NHS: variants seen among roughly 807,000 people sequenced by gnomAD.
NHS encodes NHS actin remodeling regulator, also known as actin remodeling regulator NHS.
NHS carries 5 observed loss-of-function variants against 72.5 expected under a neutral mutation model. That is an observed-to-expected ratio of 0.07 (90% CI 0.04 to 0.14). The LOEUF is 0.14. Ranked by LOEUF, NHS falls within the 10% of genes least tolerant of loss-of-function variation. The pLI, the probability that NHS is intolerant of heterozygous loss-of-function variation, is 1.00. For missense variants in NHS, 1,072 were observed against 1,355.7 expected, an observed-to-expected ratio of 0.79 and a Z score of 3.29; for synonymous variants, 464 against 547.7, an observed-to-expected ratio of 0.85 and a Z score of 2.13.
intron 1 of NHS, among the ~76,000 whole-genome samples, chrX:17,409,670 A>G (rs1231908851): frequency 2.7e-5 from 3 of 111,786 alleles, no homozygotes; most frequent in Non-Finnish European, 5.6e-5. Context: ...CACGTGTCAC[A>G]AAGGAGAATA....
At position 17,726,626 on chromosome X, in the gene NHS, C is replaced by G. The variant is rs1417624176; in HGVS notation, c.2520C>G (p.Ile840Met). 3 of 1,212,013 alleles carry G rather than the reference C, an allele frequency of 2.5e-6. No individual in the cohort carries two copies. ...ACAAGAGGCAGGGAAGACCAAGCATCTCTTTCAGGAAACCAAAGGCAAAGC... is the reference window on the plus strand; with the variant it reads ...ACAAGAGGCAGGGAAGACCAAGCATGTCTTTCAGGAAACCAAAGGCAAAGC... Reference protein sequence around the residue: ...LDHKRQGRPSISFRKPKAKPT... With the variant: ...LDHKRQGRPSMSFRKPKAKPT... Residue 840 changes from isoleucine to methionine, a missense_variant, in exon 7 of 9, where the codon ATC becomes ATG. Coordinates refer to ENST00000676302, the MANE Select transcript of NHS (RefSeq NM_001291867.2).
intron 1 of NHS, among the ~76,000 whole-genome samples, chrX:17,536,400 C>T (rs2065224167): frequency 8.9e-6 from 1 of 112,533 alleles, no homozygotes; most frequent in South Asian, 3.7e-4. Context: ...AAAAAACTTG[C>T]ATTCGGACCT....
chrX:17,605,221 C>G (rs1601797090), intron 1 of NHS, among the ~76,000 whole-genome samples: 1 of 111,992 alleles, frequency 8.9e-6, no homozygotes, highest in Non-Finnish European at 1.9e-5. Flanking sequence ...AGATTTAAGG[C>G]TATAGCTAAC....
intron 1 of NHS, among the ~76,000 whole-genome samples, chrX:17,479,812 A>G (rs1426045312): frequency 2.7e-5 from 3 of 111,834 alleles, no homozygotes; most frequent in Admixed American, 9.5e-5. Context: ...AGATAGATAG[A>G]TTGCAAAAAT....
At chrX:17,644,961 G>A (rs2065899507) in intron 1 of NHS, among the ~76,000 whole-genome samples, 1 of 110,481 alleles carries the variant, frequency 9.1e-6, no homozygotes, top group Non-Finnish European at 1.9e-5. Context: ...TTCAGAGTAG[G>A]CCCTAGGTCT....
chrX:17,470,522 C>T (rs994759345), intron 1 of NHS, among the ~76,000 whole-genome samples: 4 of 111,645 alleles, frequency 3.6e-5, no homozygotes, highest in African/African-American at 9.8e-5. Flanking sequence ...TTCACATGCC[C>T]GATGTTATAC....
intron 1 of NHS, among the ~76,000 whole-genome samples, chrX:17,537,381 G>T (rs994399562): frequency 8.9e-6 from 1 of 112,565 alleles, no homozygotes; most frequent in Non-Finnish European, 1.9e-5. Flanking sequence ...AATCTCTTTG[G>T]ATGAGGAGGA....
intron 3 of NHS, among the ~76,000 whole-genome samples, chrX:17,702,052 G>A (rs1031792685): frequency 1.8e-5 from 2 of 111,104 alleles, no homozygotes; most frequent in African/African-American, 3.3e-5. Context: ...AGTGGGAGTG[G>A]GGTAGAAAGA....
At chrX:17,536,216 G>A (rs1248149972) in intron 1 of NHS, among the ~76,000 whole-genome samples, 2 of 111,891 alleles carry the variant, frequency 1.8e-5, no homozygotes, top group African/African-American at 6.5e-5. Flanking sequence ...TTAGCCAGGC[G>A]TGGTGGCGGG....
chrX:17,600,485 C>T (rs760641390), intron 1 of NHS, among the ~76,000 whole-genome samples: 19 of 112,341 alleles, frequency 1.7e-4, no homozygotes, highest in Non-Finnish European at 3.6e-4. Context: ...TTTAAGACGA[C>T]GCCGTCAATT....
chrX:17,595,878 T>C (rs915529844), intron 1 of NHS, among the ~76,000 whole-genome samples: 1 of 112,230 alleles, frequency 8.9e-6, no homozygotes, highest in Admixed American at 9.4e-5. Flanking sequence ...GAATGTTAAC[T>C]TGAGTCAAAC....
intron 1 of NHS, among the ~76,000 whole-genome samples, chrX:17,452,167 C>T (rs2064808169): frequency 9.0e-6 from 1 of 111,476 alleles, no homozygotes; most frequent in South Asian, 3.8e-4. Flanking sequence ...ATGGTTCCTG[C>T]CTTGATAGCA....
chrX:17,693,992 AGG>A (rs1192460148), intron 3 of NHS, among the ~76,000 whole-genome samples: 1 of 112,683 alleles, frequency 8.9e-6, no homozygotes, highest in African/African-American at 3.2e-5. Flanking sequence ...TTTTCTTGGA[AGG>A]GGGAGGTGAA....
chrX:17,378,250 AGTT>A (rs1358520390), intron 1 of NHS, among the ~76,000 whole-genome samples: 7 of 110,041 alleles, frequency 6.4e-5, no homozygotes, highest in Non-Finnish European at 1.3e-4. Flanking sequence ...ACAAACTAAT[AGTT>A]AGTAGAGATA....
chrX:17,430,518 T>C (rs1284687059), intron 1 of NHS, among the ~76,000 whole-genome samples: 1 of 107,438 alleles, frequency 9.3e-6, no homozygotes, highest in Non-Finnish European at 1.9e-5. Flanking sequence ...CATTTAAAAA[T>C]AACAGCTTTA....
intron 3 of NHS, among the ~76,000 whole-genome samples, chrX:17,706,163 G>A (rs920713971): frequency 1.8e-5 from 2 of 111,261 alleles, no homozygotes; most frequent in African/African-American, 3.3e-5. Flanking sequence ...CTGCACTTCC[G>A]CCTGGATGAC....
chrX:17,506,528 A>AATAT (rs1380047230), intron 1 of NHS, among the ~76,000 whole-genome samples: 2 of 65,539 alleles, frequency 3.1e-5, no homozygotes, highest in Non-Finnish European at 5.3e-5. Context: ...GAGACTCTGT[A>AATAT]ATAAATAAAT....
At chrX:17,392,709 C>T (rs1043413591) in intron 1 of NHS, among the ~76,000 whole-genome samples, 2 of 112,092 alleles carry the variant, frequency 1.8e-5, no homozygotes, top group Non-Finnish European at 3.8e-5. Flanking sequence ...TTGTGACATG[C>T]TTAAAACCTA....
intron 3 of NHS, chrX:17,705,520 G>A (rs1251782117): frequency 1.8e-5 from 2 of 112,428 alleles, no homozygotes; most frequent in African/African-American, 6.5e-5. Context: ...CTCACTGCAG[G>A]AGATGTTGTC....
Sources: gnomAD v4.1 joint callset for allele counts (sites outside exome capture counted in the v4.1 genomes callset) on GRCh38, gnomAD v4.1.1 for gene constraint, MANE v1.5 for transcripts, NCBI Gene and HGNC (gene_info 2026-07-23, HGNC 2026-07-21) for gene names.